The following LRFN5 variants were observed in gnomAD, a reference collection of about 807,000 sequenced individuals.
LRFN5 encodes the protein leucine-rich repeat and fibronectin type-III domain-containing protein 5.
A neutral mutation model predicts 45.6 loss-of-function variants in LRFN5; 24 were observed. The observed-to-expected ratio is 0.53, with a 90% CI of 0.38 to 0.74. The LOEUF (loss-of-function observed/expected upper bound fraction) is 0.74, where lower values mean the gene tolerates loss of function less well. Ranked by LOEUF, LRFN5 falls within the 30% of genes least tolerant of loss-of-function variation. The pLI, the probability that LRFN5 is intolerant of heterozygous loss-of-function variation, is 0.00. For synonymous variants in LRFN5, 340 were observed against 313.8 expected (o/e 1.08, Z -0.88); for missense variants, 776 against 861.5 (o/e 0.90, Z 1.24).
chr14:41,895,293 T>C (rs1466079025), intron 4 of LRFN5, among the ~76,000 whole-genome samples: 3 of 152,144 alleles, frequency 2.0e-5, no homozygotes, highest in African/African-American at 7.2e-5. Flanking sequence ...AGTCTACAAA[T>C]ATATAAATAC....
chr14:41,816,175 C>T (rs1035271462), intron 2 of LRFN5, among the ~76,000 whole-genome samples: 3 of 151,688 alleles, frequency 2.0e-5, no homozygotes, highest in Non-Finnish European at 4.4e-5. Flanking sequence ...ATTTTCTCTC[C>T]CTTGTGAGTT....
intron 3 of LRFN5, 125 bp from the exon 4 acceptor site, chr14:41,891,125 A>G: frequency 1.3e-6 from 1 of 771,166 alleles, no homozygotes; most frequent in East Asian, 2.6e-5. Flanking sequence ...ATCATTTTTC[A>G]ATAATTCATA....
At chr14:41,681,835 T>A (rs1010844229) in intron 1 of LRFN5, among the ~76,000 whole-genome samples, 8 of 150,804 alleles carry the variant, frequency 5.3e-5, no homozygotes, top group South Asian at 4.2e-4. Flanking sequence ...TTTTTTTTTT[T>A]TGTGATGGAG....
chr14:41,710,727 G>A (rs918771896), intron 1 of LRFN5, among the ~76,000 whole-genome samples: 4 of 151,880 alleles, frequency 2.6e-5, no homozygotes, highest in East Asian at 1.9e-4. Context: ...CCATTAACTC[G>A]TCATTTACAT....
chr14:41,819,206 C>A (rs568328103), intron 2 of LRFN5, among the ~76,000 whole-genome samples: 10 of 152,176 alleles, frequency 6.6e-5, no homozygotes, highest in Non-Finnish European at 1.3e-4. Context: ...GCAGGTGTCA[C>A]TTTTATATGA....
intron 2 of LRFN5, among the ~76,000 whole-genome samples, chr14:41,823,153 G>C (rs1311730158): frequency 2.6e-5 from 4 of 151,934 alleles, no homozygotes; most frequent in African/African-American, 9.7e-5. Flanking sequence ...ATTTATATGT[G>C]ACTTATTGTT....
intron 1 of LRFN5, among the ~76,000 whole-genome samples, chr14:41,692,333 T>C (rs1207270070): frequency 6.6e-6 from 1 of 152,080 alleles, no homozygotes; most frequent in East Asian, 1.9e-4. Flanking sequence ...TGTGAGTCCT[T>C]TATAGATTCT....
chr14:41,884,757 G>A (rs1890505480), intron 2 of LRFN5, among the ~76,000 whole-genome samples: 1 of 152,066 alleles, frequency 6.6e-6, no homozygotes, highest in Non-Finnish European at 1.5e-5. Context: ...GACAGGTTGG[G>A]GGCTCAGATG....
At chr14:41,898,853 G>A in intron 4 of LRFN5, 64 bp from the exon 5 acceptor site, 1 of 1,432,872 alleles carries the variant, frequency 7.0e-7, no homozygotes, top group Non-Finnish European at 9.7e-7. Context: ...TCAGTAAGAG[G>A]TTTTTTGAAT....
chr14:41,804,747 T>C (rs1170422316), intron 2 of LRFN5, among the ~76,000 whole-genome samples: 5 of 152,210 alleles, frequency 3.3e-5, no homozygotes, highest in African/African-American at 1.2e-4. Context: ...TTTTCTCAGT[T>C]ATAATTTTGG....
At chr14:41,695,980 A>T (rs1289553993) in intron 1 of LRFN5, among the ~76,000 whole-genome samples, 1 of 151,948 alleles carries the variant, frequency 6.6e-6, no homozygotes, top group Non-Finnish European at 1.5e-5. Flanking sequence ...GGAAAAGATT[A>T]ACCCTTCTAG....
chr14:41,612,100 T>C (rs1167009298), intron 1 of LRFN5, among the ~76,000 whole-genome samples: 1 of 152,200 alleles, frequency 6.6e-6, no homozygotes, highest in African/African-American at 2.4e-5. Flanking sequence ...TTTGAAGCAC[T>C]TTTGGCTTAG....
intron 1 of LRFN5, among the ~76,000 whole-genome samples, chr14:41,761,436 G>GA (rs1369811007): frequency 2.0e-5 from 3 of 152,008 alleles, no homozygotes; most frequent in Admixed American, 6.6e-5. Context: ...TGTTTTAATT[G>GA]AAAAAAGATC....
At chr14:41,790,518 T>C (rs1457518009) in intron 2 of LRFN5, among the ~76,000 whole-genome samples, 1 of 151,780 alleles carries the variant, frequency 6.6e-6, no homozygotes, top group Admixed American at 6.6e-5. Flanking sequence ...TGGTGGATTT[T>C]CTTTTTCTGC....
chr14:41,871,935 C>A (rs1265886851), intron 2 of LRFN5, among the ~76,000 whole-genome samples: 1 of 152,030 alleles, frequency 6.6e-6, no homozygotes, highest in East Asian at 1.9e-4. Flanking sequence ...TGTTGGTAAG[C>A]TTTTTTTAAT....
chr14:41,684,519 A>G (rs1053033018), intron 1 of LRFN5, among the ~76,000 whole-genome samples: 2 of 152,238 alleles, frequency 1.3e-5, no homozygotes, highest in South Asian at 4.1e-4. Context: ...ACAAGACAGC[A>G]TGTGGGAAAC....
At chr14:41,736,798 C>T (rs1884455919) in intron 1 of LRFN5, among the ~76,000 whole-genome samples, 1 of 151,942 alleles carries the variant, frequency 6.6e-6, no homozygotes, top group Admixed American at 6.6e-5. Flanking sequence ...AAGATTAAAC[C>T]AGGAAGAAGT....
rs553742151 is a variant in LRFN5, at chr14:41,642,893, A to G, written c.-197+34331A>G. The stretch of plus-strand genomic sequence containing the variant: ...GTTTTAAATGTTAAAGATTAGAGAC[A>G]CATAGTTAGCTGGTTAAATCCAAAT... On this transcript the variant is annotated intron_variant, in intron 1 of 5. Transcript: ENST00000298119. 1.4e-4 allele frequency among the ~76,000 whole-genome samples: 22 copies of G among 152,344 alleles called. No homozygotes were observed. The South Asian group carries it at 3.3e-3, about 23-fold the overall frequency.
intron 2 of LRFN5, among the ~76,000 whole-genome samples, chr14:41,768,467 G>A (rs1475365824): frequency 6.6e-6 from 1 of 152,006 alleles, no homozygotes; most frequent in African/African-American, 2.4e-5. Context: ...ACCTGGTACT[G>A]CTTTTGTACA....
Sources: gnomAD v4.1 joint callset for allele counts (sites outside exome capture counted in the v4.1 genomes callset) on GRCh38, gnomAD v4.1.1 for gene constraint, MANE v1.5 for transcripts, NCBI Gene and HGNC (gene_info 2026-07-23, HGNC 2026-07-21) for gene names.